The following SCAI variants were observed in gnomAD, a reference collection of about 807,000 sequenced individuals.
SCAI encodes protein SCAI.
SCAI carries 24 observed loss-of-function variants against 92.2 expected under a neutral mutation model. The ratio of observed to expected loss-of-function variants is 0.26; its 90% CI spans 0.19 to 0.37. The LOEUF (loss-of-function observed/expected upper bound fraction) is 0.37, where lower values mean the gene tolerates loss of function less well. Among genes scored for constraint, SCAI ranks in the 10% least tolerant of loss-of-function variants. SCAI has a pLI of 1.00. For missense variants in SCAI, 450 were observed against 736.2 expected, an observed-to-expected ratio of 0.61 and a Z score of 4.50; for synonymous variants, 261 against 258.6, an observed-to-expected ratio of 1.01 and a Z score of -0.09.
chr9:125,075,812 G>A (rs1193233578), intron 2 of SCAI, among the ~76,000 whole-genome samples: 1 of 151,944 alleles, frequency 6.6e-6, no homozygotes, highest in Admixed American at 6.6e-5. Flanking sequence ...TTTTCCAACC[G>A]CCTCGGCCTC....
chr9:125,008,238 G>C (rs933293424), intron 9 of SCAI, among the ~76,000 whole-genome samples: 7 of 152,058 alleles, frequency 4.6e-5, no homozygotes, highest in African/African-American at 1.7e-4. Context: ...TCTGCCTCCA[G>C]AGTTCAAGTG....
At chr9:125,059,177 C>T (rs1202660106) in intron 2 of SCAI, among the ~76,000 whole-genome samples, 4 of 152,130 alleles carry the variant, frequency 2.6e-5, no homozygotes, top group Non-Finnish European at 4.4e-5. Flanking sequence ...AAATCAAAGT[C>T]CCATGCGATG....
intron 2 of SCAI, among the ~76,000 whole-genome samples, chr9:125,087,820 T>C (rs574865389): frequency 5.9e-5 from 9 of 152,324 alleles, no homozygotes; most frequent in Non-Finnish European, 1.3e-4. Context: ...AGTCCTCATG[T>C]TTTAAATACG....
In SCAI at chr9:124,945,277, C is replaced by T. The variant is rs1057413865; in HGVS notation, c.*7530G>A. The T allele has an allele frequency of 6.6e-6, 1 of 152,116 alleles. No homozygotes were observed. Among genetic ancestry groups the T allele is most frequent in the African/African-American group, 2.4e-5 (1 of 41,516 alleles). 9.4% of individuals were successfully genotyped at this position (152,116 alleles called of 1,614,324 possible). A position where few individuals can be genotyped will look rare whatever the true frequency, so the allele number is the denominator to read the frequency against. The stretch of plus-strand genomic sequence containing the variant: ...CTATTAAAAAGAATTTTTTTTAGGC[C>T]GGCCACAGTGGCTCACACCTGTAAT... On this transcript the variant is annotated 3_prime_UTR_variant, in exon 18 of 18. Coordinates refer to ENST00000336505, the MANE Select transcript of SCAI (RefSeq NM_001144877.3).
chr9:125,046,387 A>C (rs2131120134), intron 3 of SCAI, among the ~76,000 whole-genome samples: 1 of 133,778 alleles, frequency 7.5e-6, no homozygotes, highest in Non-Finnish European at 1.6e-5. Flanking sequence ...AAAAGGAATG[A>C]AATAATGGCA....
At chr9:125,033,915 A>C (rs1479090360) in intron 3 of SCAI, among the ~76,000 whole-genome samples, 1 of 152,236 alleles carries the variant, frequency 6.6e-6, no homozygotes, top group Non-Finnish European at 1.5e-5. Flanking sequence ...TTTGATGAAG[A>C]AATATCATTA....
intron 2 of SCAI, among the ~76,000 whole-genome samples, chr9:125,100,112 T>A (rs559103464): frequency 2.0e-4 from 31 of 152,360 alleles, no homozygotes; most frequent in African/African-American, 7.0e-4. Context: ...GGAACTGCCA[T>A]ACTTTAATGT....
At chr9:124,965,870 C>G (rs1831529127) in intron 17 of SCAI, among the ~76,000 whole-genome samples, 1 of 152,126 alleles carries the variant, frequency 6.6e-6, no homozygotes, top group Non-Finnish European at 1.5e-5. Flanking sequence ...TACTACAGTA[C>G]TGCACTAAAC....
chr9:125,060,636 T>C (rs570997022), intron 2 of SCAI, among the ~76,000 whole-genome samples: 1 of 152,280 alleles, frequency 6.6e-6, no homozygotes, highest in South Asian at 2.1e-4. Context: ...CTCATGATAG[T>C]GAGTAAGTCT....
intron 2 of SCAI, among the ~76,000 whole-genome samples, chr9:125,092,090 A>G (rs1229932217): frequency 7.1e-6 from 1 of 140,246 alleles, no homozygotes; most frequent in East Asian, 2.2e-4. Context: ...AGATCACGCC[A>G]CTGCACTCCA....
chr9:125,120,436 C>T (rs1231005228), intron 2 of SCAI, among the ~76,000 whole-genome samples: 1 of 152,176 alleles, frequency 6.6e-6, no homozygotes, highest in African/African-American at 2.4e-5. Flanking sequence ...CTCACGCCTG[C>T]AGTCCCAGCA....
At chr9:125,112,445 G>A (rs949415125) in intron 2 of SCAI, among the ~76,000 whole-genome samples, 3 of 152,080 alleles carry the variant, frequency 2.0e-5, no homozygotes, top group African/African-American at 7.2e-5. Flanking sequence ...TAACTATAGG[G>A]GCAAGTAAAC....
intron 2 of SCAI, among the ~76,000 whole-genome samples, chr9:125,107,924 C>G (rs1372985769): frequency 6.6e-6 from 1 of 152,162 alleles, no homozygotes; most frequent in Non-Finnish European, 1.5e-5. Flanking sequence ...CTCACTGCAA[C>G]CTCCCTGCCT....
intron 2 of SCAI, among the ~76,000 whole-genome samples, chr9:125,059,499 C>CAGTAACAAAATACAAACAT (rs1833732987): frequency 6.6e-6 from 1 of 151,942 alleles, no homozygotes; most frequent in Non-Finnish European, 1.5e-5. Flanking sequence ...AATACAAACA[C>CAGTAACAAAATACAAACAT]AGTAAAATAC....
At chr9:125,032,676 C>T (rs995909513) in intron 3 of SCAI, among the ~76,000 whole-genome samples, 10 of 149,300 alleles carry the variant, frequency 6.7e-5, no homozygotes, top group Non-Finnish European at 3.0e-5. Flanking sequence ...TGCAGTGGCG[C>T]GACCTCAGCT....
intron 2 of SCAI, among the ~76,000 whole-genome samples, chr9:125,057,260 C>T (rs561433835): frequency 1.3e-5 from 2 of 152,142 alleles, no homozygotes; most frequent in African/African-American, 4.8e-5. Flanking sequence ...ATTTGGGGTA[C>T]TCTGCCAAAA....
chr9:125,032,664 A>C (rs1379301467), intron 3 of SCAI, among the ~76,000 whole-genome samples: 2 of 143,258 alleles, frequency 1.4e-5, no homozygotes, highest in Non-Finnish European at 3.0e-5. Context: ...CCCAGGCTGG[A>C]GTGCAGTGGC....
At position 125,017,473 on chromosome 9, in the gene SCAI, C is replaced by T. The variant is rs559903335; in HGVS notation, c.861+1326G>A. Among the ~76,000 whole-genome samples the T allele has an allele frequency of 2.6e-5, 4 of 151,810 alleles. 1 individual carries two copies. The highest frequency in any genetic ancestry group is 9.7e-5 in the African/African-American group (4 of 41,364). On this transcript the variant is annotated intron_variant, in intron 9 of 17. Coordinates refer to ENST00000336505, the MANE Select transcript of SCAI (RefSeq NM_001144877.3). ...ATTTCAAAAACGTTGTAGACATTTG[C>T]AAAATAATGGTCATAAAAGCCAAAA...
chr9:125,098,684 A>G (rs1834614654), intron 2 of SCAI, among the ~76,000 whole-genome samples: 1 of 152,254 alleles, frequency 6.6e-6, no homozygotes, highest in African/African-American at 2.4e-5. Context: ...GAAGGGGGTC[A>G]GATGTGTGAC....
Sources: gnomAD v4.1 joint callset for allele counts (sites outside exome capture counted in the v4.1 genomes callset) on GRCh38, gnomAD v4.1.1 for gene constraint, MANE v1.5 for transcripts, NCBI Gene and HGNC (gene_info 2026-07-23, HGNC 2026-07-21) for gene names.